Variants in NTM observed in about 807,000 individuals in gnomAD.
The protein encoded by NTM is neurotrimin.
A neutral mutation model predicts 42.1 loss-of-function variants in NTM; 13 were observed. That is an observed-to-expected ratio of 0.31 (90% CI 0.20 to 0.49). The LOEUF (loss-of-function observed/expected upper bound fraction) is 0.49, where lower values mean the gene tolerates loss of function less well. Ranked by LOEUF, NTM falls within the 20% of genes least tolerant of loss-of-function variation. NTM has a pLI of 0.99. For synonymous variants in NTM, 187 were observed against 179.2 expected (o/e 1.04, Z -0.35); for missense variants, 373 against 452.8 (o/e 0.82, Z 1.60).
intron 1 of NTM, among the ~76,000 whole-genome samples, chr11:131,624,571 C>G (rs2062918651): frequency 6.6e-6 from 1 of 152,150 alleles, no homozygotes; most frequent in African/African-American, 2.4e-5. Context: ...CTATTATTTG[C>G]TGATTCATTA....
chr11:131,911,732 C>T (rs1004322494), intron 2 of NTM, 84 bp downstream of exon 2: 2 of 1,548,316 alleles, frequency 1.3e-6, no homozygotes, highest in Non-Finnish European at 1.8e-6. Flanking sequence ...TGCACTGAGG[C>T]GTGCCTGGGT....
intron 1 of NTM, among the ~76,000 whole-genome samples, chr11:131,683,115 C>T (rs865889656): frequency 2.8e-4 from 42 of 152,180 alleles, no homozygotes; most frequent in African/African-American, 9.4e-4. Context: ...CTGAACTTTC[C>T]CTCTAAAACC....
At chr11:132,027,698 T>C (rs547018040) in intron 2 of NTM, among the ~76,000 whole-genome samples, 1 of 152,336 alleles carries the variant, frequency 6.6e-6, no homozygotes, top group Non-Finnish European at 1.5e-5. Context: ...TTCTGCAGTT[T>C]GAATAAGATA....
chr11:131,778,204 A>G (rs1203685960), intron 1 of NTM, among the ~76,000 whole-genome samples: 1 of 152,376 alleles, frequency 6.6e-6, no homozygotes, highest in Middle Eastern at 3.4e-3. Context: ...TGCAACCTCT[A>G]CATGTAGCTG....
At chr11:131,636,039 C>T (rs1480783565) in intron 1 of NTM, among the ~76,000 whole-genome samples, 1 of 152,170 alleles carries the variant, frequency 6.6e-6, no homozygotes, top group Non-Finnish European at 1.5e-5. Context: ...GATGTTCATA[C>T]AATGGGGAGA....
chr11:132,078,210 A>G (rs2058606401), intron 2 of NTM, among the ~76,000 whole-genome samples: 1 of 152,220 alleles, frequency 6.6e-6, no homozygotes, highest in Non-Finnish European at 1.5e-5. Flanking sequence ...CCTTGCCTAC[A>G]TAGGCTTAGT....
chr11:131,388,787 G>A (rs557901426), intron 1 of NTM, among the ~76,000 whole-genome samples: 5 of 151,750 alleles, frequency 3.3e-5, no homozygotes, highest in South Asian at 2.1e-4. Flanking sequence ...CGAGGCGGGC[G>A]AATCACTTGA....
intron 4 of NTM, among the ~76,000 whole-genome samples, chr11:132,299,730 T>C (rs1018961897): frequency 2.0e-5 from 3 of 152,228 alleles, no homozygotes; most frequent in African/African-American, 7.2e-5. Flanking sequence ...CTGTGTGAGG[T>C]CTGTCCTGCA....
intron 1 of NTM, among the ~76,000 whole-genome samples, chr11:131,710,254 A>G (rs139921960): frequency 2.0e-5 from 3 of 152,296 alleles, no homozygotes; most frequent in African/African-American, 7.2e-5. Flanking sequence ...CAGCGTACAA[A>G]TATTCTACAA....
At chr11:132,176,004 T>G (rs571576604) in intron 3 of NTM, among the ~76,000 whole-genome samples, 1 of 152,222 alleles carries the variant, frequency 6.6e-6, no homozygotes, top group Non-Finnish European at 1.5e-5. Context: ...TGTTTGTTTG[T>G]TTTATTTCTG....
intron 1 of NTM, among the ~76,000 whole-genome samples, chr11:131,819,960 C>A (rs1371698288): frequency 2.0e-5 from 3 of 152,190 alleles, no homozygotes; most frequent in Non-Finnish European, 1.5e-5. Flanking sequence ...TGACACTCGC[C>A]TTCGTGGCAC....
At chr11:131,903,775 G>A (rs1034870536) in intron 1 of NTM, among the ~76,000 whole-genome samples, 5 of 152,188 alleles carry the variant, frequency 3.3e-5, no homozygotes, top group Non-Finnish European at 5.9e-5. Flanking sequence ...ATTCCAGTGA[G>A]CTGGTAAGGG....
At chr11:131,890,156 G>C (rs201394634) in intron 1 of NTM, among the ~76,000 whole-genome samples, 3,032 of 54,138 alleles carry the variant, frequency 0.056, 100 homozygotes, top group African/African-American at 0.18. Context: ...CTCTCTCTCT[G>C]TCTCTCTCTC....
At chr11:131,552,160 G>T (rs377576979) in intron 1 of NTM, among the ~76,000 whole-genome samples, 1 of 152,138 alleles carries the variant, frequency 6.6e-6, no homozygotes, top group Non-Finnish European at 1.5e-5. Flanking sequence ...AAGGGAGAGA[G>T]ACAGGGTCAG....
intron 2 of NTM, among the ~76,000 whole-genome samples, chr11:132,022,981 A>G (rs988590402): frequency 6.6e-6 from 1 of 152,210 alleles, no homozygotes. Context: ...CACGTTGGCT[A>G]ATCAGATTGG....
rs115345444 is a variant in NTM, at chr11:131,457,470, G to A, written c.82+86582G>A. Among the ~76,000 whole-genome samples, 796 of 152,260 alleles carry A rather than the reference G, an allele frequency of 5.2e-3. 6 individuals carry two copies. The highest frequency in any genetic ancestry group is 0.018 in the African/African-American group (736 of 41,552). Reference sequence around the variant, plus strand: ...AGAGACTTTGGCCAGCCACGAAGAAGCATTTGTATCTTCCTCTGAGGAAGA... The same window carrying A: ...AGAGACTTTGGCCAGCCACGAAGAAACATTTGTATCTTCCTCTGAGGAAGA... On this transcript the variant is annotated intron_variant, in intron 1 of 8. Transcript: ENST00000683400.
At chr11:131,853,674 G>T (rs2045816721) in intron 1 of NTM, among the ~76,000 whole-genome samples, 2 of 152,262 alleles carry the variant, frequency 1.3e-5, no homozygotes, top group Non-Finnish European at 2.9e-5. Flanking sequence ...CCATGTCTTT[G>T]CTATTGTGAA....
intron 3 of NTM, among the ~76,000 whole-genome samples, chr11:132,147,144 C>A (rs948042432): frequency 6.6e-6 from 1 of 151,254 alleles, no homozygotes; most frequent in Non-Finnish European, 1.5e-5. Context: ...CTTCTCCTCC[C>A]CTGACTCCTA....
At chr11:132,234,834 CTT>C (rs2088454128) in intron 4 of NTM, among the ~76,000 whole-genome samples, 1 of 152,106 alleles carries the variant, frequency 6.6e-6, no homozygotes, top group Non-Finnish European at 1.5e-5. Flanking sequence ...TTCTACATAA[CTT>C]TGTTACTTTT....
Sources: allele counts gnomAD v4.1 joint callset (sites outside exome capture counted in the v4.1 genomes callset), GRCh38; gene constraint gnomAD v4.1.1; transcripts MANE v1.5; gene names NCBI Gene and HGNC (gene_info 2026-07-23, HGNC 2026-07-21).